Variants in NFYB observed in about 807,000 individuals in gnomAD.
NFYB encodes the protein CAAT box DNA-binding protein subunit B.
In NFYB, 13 loss-of-function variants were observed where a neutral mutation model predicts 28.0. The ratio of observed to expected loss-of-function variants is 0.46; its 90% confidence interval spans 0.30 to 0.74. The LOEUF (loss-of-function observed/expected upper bound fraction) is 0.74, where lower values mean the gene tolerates loss of function less well. NFYB is among the 30% of genes least tolerant of loss of function. NFYB has a pLI of 0.07. For missense variants in NFYB, 142 were observed against 247.6 expected, an observed-to-expected ratio of 0.57 and a Z score of 2.86; for synonymous variants, 74 against 75.0, an observed-to-expected ratio of 0.99 and a Z score of 0.07.
chr12:104,133,919 G>A (rs2136672072), intron 2 of NFYB, among the ~76,000 whole-genome samples: 1 of 152,070 alleles, frequency 6.6e-6, no homozygotes, highest in South Asian at 2.1e-4. Context: ...TACCATTCTT[G>A]CCCTGACAGT....
rs1234688703 is a variant in NFYB, at chr12:104,117,973, T to C, written c.*1764A>G. The C allele has an allele frequency of 6.6e-6, 1 of 152,166 alleles. No individual in the cohort carries two copies. Among genetic ancestry groups the C allele is most frequent in the African/African-American group, 2.4e-5 (1 of 41,432 alleles). 9.4% of individuals were successfully genotyped at this position (152,166 alleles called of 1,614,324 possible). ...GTACATGGGATTCAGTGAAGTGCTG[T>C]TTATAACTGTGAAAAGATGTAAATA... On this transcript the variant is annotated 3_prime_UTR_variant, in exon 8 of 8. Coordinates refer to ENST00000240055, the MANE Select transcript of NFYB (RefSeq NM_006166.4).
In NFYB at chr12:104,119,640, G is replaced by A; in HGVS notation, c.*97C>T. ...TACATTACAGCTATTAATATACAAA[G>A]ATACATCTTTTCACCAGTCTTTCCT... On this transcript the variant is annotated 3_prime_UTR_variant, in exon 8 of 8. Transcript: ENST00000240055. 1.2e-6 allele frequency: 1 copy of A among 826,516 alleles called. No homozygotes were observed. Among genetic ancestry groups the A allele is most frequent in the Non-Finnish European group, 2.0e-6 (1 of 511,164 alleles). The allele number at this position is 826,516 out of a possible 1,614,324, so 51.2% of individuals were successfully genotyped here.
intron 2 of NFYB, among the ~76,000 whole-genome samples, chr12:104,130,089 G>C (rs1327382479): frequency 5.9e-5 from 9 of 152,180 alleles, no homozygotes. Context: ...GATCCTAGAA[G>C]GCTTTCTGTT....
chr12:104,132,664 T>C (rs559710046), intron 2 of NFYB, among the ~76,000 whole-genome samples: 1 of 152,274 alleles, frequency 6.6e-6, no homozygotes, highest in African/African-American at 2.4e-5. Context: ...CTGGGATTCT[T>C]GCAGCTGGAG....
intron 1 of NFYB, chr12:104,137,755 C>T (rs1355889567): frequency 2.0e-5 from 3 of 147,622 alleles, no homozygotes; most frequent in African/African-American, 7.3e-5. Context: ...TCCCGCCCCT[C>T]GGCCGGCTCC....
In NFYB at chr12:104,121,337, A is replaced by C. The variant is rs745722639; in HGVS notation, c.430-16T>G. 8.8e-6 allele frequency: 14 copies of C among 1,596,736 alleles called. No homozygotes were observed. The highest frequency in any genetic ancestry group is 1.2e-5 in the Non-Finnish European group (14 of 1,174,030). On this transcript the variant is annotated splice_polypyrimidine_tract_variant and intron_variant, in intron 5 of 7. Transcript: ENST00000240055. ...CTTTCATAGCCTGAGGAAGGAAAAA[A>C]AAAAAGTCACTGATATTCAAATGAA...
At chr12:104,135,598 T>C in intron 1 of NFYB, 66 bp from the exon 2 acceptor site, 1 of 589,868 alleles carries the variant, frequency 1.7e-6, no homozygotes, top group Non-Finnish European at 2.8e-6. Context: ...AATGTATCAC[T>C]TATAGGCTTT....
At chr12:104,131,586 A>C (rs1042370863) in intron 2 of NFYB, 20 of 362,976 alleles carry the variant, frequency 5.5e-5, no homozygotes, top group Non-Finnish European at 1.0e-4. Context: ...GATGCTTAGA[A>C]TATGCCAGCC....
rs1291548617 is a variant in NFYB, at chr12:104,123,431, G to T, written c.232-8C>A. The T allele has an allele frequency of 1.2e-6, 2 of 1,611,752 alleles. No individual in the cohort carries two copies. ...TTTGGCATCTTTTGCAATCTGAAGA[G>T]AAAATCATAGGTAAATTACAGAAAC... On this transcript the variant is annotated splice_polypyrimidine_tract_variant and splice_region_variant and intron_variant, in intron 4 of 7. Coordinates refer to ENST00000240055, the MANE Select transcript of NFYB (RefSeq NM_006166.4).
intron 1 of NFYB, among the ~76,000 whole-genome samples, chr12:104,137,151 AT>A (rs2031132070): frequency 6.6e-6 from 1 of 152,204 alleles, no homozygotes; most frequent in Non-Finnish European, 1.5e-5. Flanking sequence ...CCACGCAACT[AT>A]GGGGTCCATG....
chr12:104,125,849 CAAAAAAAAAAAA>C (rs374433754), intron 4 of NFYB, among the ~76,000 whole-genome samples: 25 of 72,208 alleles, frequency 3.5e-4, no homozygotes, highest in Admixed American at 1.9e-3. Flanking sequence ...ACTCTGTCCC[CAAAAAAAAAAAA>C]AAAAAAAAAA....
At position 104,126,170 on chromosome 12, in the gene NFYB, G is replaced by T; in HGVS notation, c.175C>A (p.Leu59Ile). The T allele has an allele frequency of 1.2e-6, 2 of 1,605,684 alleles. No homozygotes were observed. Among genetic ancestry groups the T allele is most frequent in the Non-Finnish European group, 1.7e-6 (2 of 1,176,504 alleles). The part of the protein sequence containing the change: ...KESFREQDIY[L>I]PIANVARIMK... ...ATCCTAGCCACGTTTGCTATTGGAA[G>T]ATATATATCTTGTTCTCTGAAACTT... Residue 59 changes from leucine to isoleucine, a missense_variant, in exon 4 of 8, where the codon CTT (leucine) becomes ATT (isoleucine). Physicochemically the swap from Leu to Ile is conservative, Grantham distance 5 (BLOSUM62 2). Transcript: ENST00000240055.
rs576565798 is a variant in NFYB at position 104,117,548 on chromosome 12, A to T, written c.*2189T>A. On this transcript the variant is annotated 3_prime_UTR_variant, in exon 8 of 8. Coordinates refer to ENST00000240055, the MANE Select transcript of NFYB (RefSeq NM_006166.4). ...CAGCCACCAGGGAGTAAGGGACTAC[A>T]GGTGTGCACCACCACACCCTGCTAA... The T allele has an allele frequency of 1.1e-4, 16 of 152,282 alleles. No homozygotes were observed. The highest frequency in any genetic ancestry group is 3.1e-4 in the African/African-American group (13 of 41,528). 9.4% of individuals were successfully genotyped at this position (152,282 alleles called of 1,614,324 possible).
chr12:104,131,947 C>T (rs1023160806), intron 2 of NFYB: 2 of 351,916 alleles, frequency 5.7e-6, no homozygotes, highest in Non-Finnish European at 1.1e-5. Flanking sequence ...ACCATGAGAC[C>T]GTGAACAAAC....
intron 3 of NFYB, 57 bp downstream of exon 3, chr12:104,128,367 G>A (rs1287673202): frequency 1.7e-5 from 21 of 1,244,842 alleles, no homozygotes; most frequent in Non-Finnish European, 2.2e-5. Context: ...TTAATGAAAT[G>A]TCCACTTTCT....
intron 2 of NFYB, among the ~76,000 whole-genome samples, chr12:104,129,223 T>A (rs2030836563): frequency 6.6e-6 from 1 of 152,046 alleles, no homozygotes; most frequent in Non-Finnish European, 1.5e-5. Flanking sequence ...TAGCCCCAAC[T>A]GCTCAGAAGC....
chr12:104,135,468 A>G lies in NFYB; in HGVS notation c.-15T>C. On this transcript the variant is annotated 5_prime_UTR_variant, in exon 2 of 8. Transcript: ENST00000240055. Reference sequence around the variant, plus strand: ...CTTACTGTCATGAAATACTGTCAGAACCGTGTTGTCAGTGGTGCTGAAGAA... The same window carrying G: ...CTTACTGTCATGAAATACTGTCAGAGCCGTGTTGTCAGTGGTGCTGAAGAA... 6.3e-7 allele frequency: 1 copy of G among 1,588,990 alleles called. No individual in the cohort carries two copies. Among genetic ancestry groups the G allele is most frequent in the East Asian group, 2.3e-5 (1 of 42,910 alleles).
rs1006892664 is a variant in NFYB at position 104,118,692 on chromosome 12, T to C, written c.*1045A>G. 6.6e-6 allele frequency: 1 copy of C among 152,234 alleles called. No homozygotes were observed. The highest frequency in any genetic ancestry group is 1.5e-5 in the Non-Finnish European group (1 of 68,024). The allele number at this position is 152,234 out of a possible 1,614,324, so 9.4% of individuals were successfully genotyped here. On this transcript the variant is annotated 3_prime_UTR_variant, in exon 8 of 8. Coordinates refer to ENST00000240055, the MANE Select transcript of NFYB (RefSeq NM_006166.4). ...GTTTATTGCAGAGATGAAGACAGCA[T>C]ACTAGAAGTTGGCTTCTATTTCACA... is the stretch of plus-strand genomic sequence containing the variant.
At chr12:104,126,614 C>T (rs942332195) in intron 3 of NFYB, among the ~76,000 whole-genome samples, 4 of 152,096 alleles carry the variant, frequency 2.6e-5, no homozygotes, top group African/African-American at 9.7e-5. Flanking sequence ...TATTATTCCT[C>T]ATTTCTCCTA....
Sources: allele counts gnomAD v4.1 joint callset (sites outside exome capture counted in the v4.1 genomes callset), GRCh38; gene constraint gnomAD v4.1.1; transcripts MANE v1.5; gene names NCBI Gene and HGNC (gene_info 2026-07-23, HGNC 2026-07-21).